Variants in CAMK2B observed in about 807,000 individuals in gnomAD.
The protein encoded by CAMK2B is calcium/calmodulin-dependent protein kinase type II subunit beta.
CAMK2B carries 27 observed loss-of-function variants against 93.7 expected under a neutral mutation model. That is an observed-to-expected ratio of 0.29 (90% CI 0.21 to 0.40). The LOEUF (loss-of-function observed/expected upper bound fraction) is 0.40. Among genes scored for constraint, CAMK2B ranks in the 10% least tolerant of loss-of-function variants. The pLI is 1.00. For missense variants in CAMK2B, 568 were observed against 895.8 expected (o/e 0.63, Z 4.67); for synonymous variants, 374 against 358.8 (o/e 1.04, Z -0.48).
chr7:44,292,537 G>T (rs1302113251), intron 1 of CAMK2B, among the ~76,000 whole-genome samples: 1 of 152,190 alleles, frequency 6.6e-6, no homozygotes, highest in Non-Finnish European at 1.5e-5. Flanking sequence ...TGCAAAAGGG[G>T]TTCTGTGAGA....
chr7:44,309,445 C>G (rs924862238), intron 1 of CAMK2B, among the ~76,000 whole-genome samples: 1 of 152,194 alleles, frequency 6.6e-6, no homozygotes, highest in African/African-American at 2.4e-5. Context: ...GGGGCCCACC[C>G]TTGCTGCGCC....
At chr7:44,255,149 C>T (rs1195688838) in intron 4 of CAMK2B, among the ~76,000 whole-genome samples, 1 of 152,120 alleles carries the variant, frequency 6.6e-6, no homozygotes, top group African/African-American at 2.4e-5. Flanking sequence ...AATCTGGTCT[C>T]CTTGGTGGCG....
intron 1 of CAMK2B, among the ~76,000 whole-genome samples, chr7:44,304,771 A>G (rs181068882): frequency 2.3e-4 from 35 of 152,346 alleles, no homozygotes; most frequent in Admixed American, 2.0e-3. Context: ...ATATATTAAT[A>G]TTGGTCCATC....
intron 1 of CAMK2B, among the ~76,000 whole-genome samples, chr7:44,320,316 G>T (rs1795781089): frequency 6.6e-6 from 1 of 152,172 alleles, no homozygotes; most frequent in South Asian, 2.1e-4. Context: ...AAAAGCCTCA[G>T]GTCAGAGTAG....
At chr7:44,325,282 C>T in intron 1 of CAMK2B, 75 bp downstream of exon 1, 2 of 856,672 alleles carry the variant, frequency 2.3e-6, no homozygotes, top group Non-Finnish European at 2.9e-6. Flanking sequence ...CGCCTGGAGC[C>T]GGCGGCGCGG....
intron 19 of CAMK2B, among the ~76,000 whole-genome samples, chr7:44,227,989 T>C (rs1329634809): frequency 1.3e-5 from 2 of 150,808 alleles, no homozygotes; most frequent in Admixed American, 1.3e-4. Flanking sequence ...AGGGTGCTGC[T>C]GCGGACAGCG....
At chr7:44,235,709 A>G (rs1245615494) in intron 13 of CAMK2B, among the ~76,000 whole-genome samples, 3 of 152,164 alleles carry the variant, frequency 2.0e-5, no homozygotes, top group Admixed American at 6.5e-5. Flanking sequence ...GCCAGCCGGT[A>G]CAGCAGGGTT....
At chr7:44,295,268 G>T (rs1182990985) in intron 1 of CAMK2B, among the ~76,000 whole-genome samples, 1 of 152,228 alleles carries the variant, frequency 6.6e-6, no homozygotes, top group African/African-American at 2.4e-5. Context: ...CATGTGAGAA[G>T]CTTGGAAGTC....
rs1193548332 is a variant in CAMK2B, at chr7:44,311,118, G to A, written c.65+14239C>T. On this transcript the variant is annotated intron_variant, in intron 1 of 23. Transcript: ENST00000395749. This position sits in a 1 kb window ranked among gnomAD's most constrained non-coding sequence, Gnocchi z 4.2. ...TGAGACAGTCTCATTCTATTGCCCA[G>A]GCTGGAGTGCAATGGCGTGATCTCG... Among the ~76,000 whole-genome samples, 2 of 152,080 alleles carry A rather than the reference G, an allele frequency of 1.3e-5. No individual in the cohort carries two copies. Among genetic ancestry groups the A allele is most frequent in the African/African-American group, 4.8e-5 (2 of 41,390 alleles).
intron 2 of CAMK2B, among the ~76,000 whole-genome samples, chr7:44,276,097 A>T (rs1198712443): frequency 8.9e-6 from 1 of 112,118 alleles, no homozygotes; most frequent in Non-Finnish European, 1.8e-5. Context: ...AGCAGGGAGG[A>T]GGTGGGGAGA....
chr7:44,293,359 G>T (rs1326040063), intron 1 of CAMK2B, among the ~76,000 whole-genome samples: 1 of 152,232 alleles, frequency 6.6e-6, no homozygotes, highest in Admixed American at 6.5e-5. Context: ...TCCCCCATAT[G>T]CCCTGGTGAG....
At chr7:44,292,238 T>C (rs1277897678) in intron 1 of CAMK2B, among the ~76,000 whole-genome samples, 1 of 152,180 alleles carries the variant, frequency 6.6e-6, no homozygotes, top group Non-Finnish European at 1.5e-5. Flanking sequence ...TGCTTGTGTC[T>C]CTGTGTCCAA....
chr7:44,224,817 C>T lies in CAMK2B; in HGVS notation c.1597+1699G>A, dbSNP rs1011667743. ...GTGGGCACCTGCCCTATTTACACAG[C>T]TGGTGGGTGCCTTCTGGAGAAAGGA... is the stretch of plus-strand genomic sequence containing the variant. On this transcript the variant is annotated intron_variant, in intron 20 of 23. Coordinates refer to ENST00000395749, the MANE Select transcript of CAMK2B (RefSeq NM_001220.5). The surrounding 1 kb of genome is among the most constrained non-coding windows in gnomAD (Gnocchi z 4.4). 3.9e-5 allele frequency among the ~76,000 whole-genome samples: 6 copies of T among 152,056 alleles called. No individual in the cohort carries two copies. The highest frequency in any genetic ancestry group is 8.8e-5 in the Non-Finnish European group (6 of 68,014).
At chr7:44,270,930 C>CT (rs1449881004) in intron 2 of CAMK2B, among the ~76,000 whole-genome samples, 3 of 151,952 alleles carry the variant, frequency 2.0e-5, no homozygotes, top group East Asian at 3.9e-4. Flanking sequence ...CTTTTCTTTT[C>CT]TTTTTTTTGA....
chr7:44,236,736 C>T (rs372398397), intron 13 of CAMK2B, among the ~76,000 whole-genome samples: 1 of 152,332 alleles, frequency 6.6e-6, no homozygotes, highest in South Asian at 2.1e-4. Flanking sequence ...GCATCCCACC[C>T]TCTCAGCTCC....
chr7:44,247,356 C>T (rs1158761794), intron 5 of CAMK2B, 164 bp from the exon 6 acceptor site: 1 of 658,120 alleles, frequency 1.5e-6, no homozygotes, highest in African/African-American at 1.8e-5. Context: ...GGGGCTTCTT[C>T]CTCACCTCCA....
chr7:44,240,420 C>T (rs1488784493), intron 12 of CAMK2B, among the ~76,000 whole-genome samples: 4 of 152,308 alleles, frequency 2.6e-5, no homozygotes, highest in East Asian at 3.9e-4. Context: ...CAGACACACA[C>T]GATGCTGTGA....
At position 44,271,068 on chromosome 7, in the gene CAMK2B, G is replaced by A. The variant is rs1038246424; in HGVS notation, c.161-8004C>T. Among the ~76,000 whole-genome samples the A allele has an allele frequency of 8.6e-5, 13 of 152,010 alleles. No homozygotes were observed. Among genetic ancestry groups the A allele is most frequent in the African/African-American group, 1.7e-4 (7 of 41,370 alleles). Reference sequence around the variant, plus strand: ...CCAGTAGCTGGGATTACAGGTATGCGCCATCACACCTGGCTAATTTTTGTA... The same window carrying A: ...CCAGTAGCTGGGATTACAGGTATGCACCATCACACCTGGCTAATTTTTGTA... On this transcript the variant is annotated intron_variant, in intron 2 of 23. Transcript: ENST00000395749. This position sits in a 1 kb window ranked among gnomAD's most constrained non-coding sequence, Gnocchi z 4.2.
intron 1 of CAMK2B, among the ~76,000 whole-genome samples, chr7:44,292,718 A>G (rs575466495): frequency 6.6e-6 from 1 of 152,330 alleles, no homozygotes; most frequent in South Asian, 2.1e-4. Flanking sequence ...TTATTCAAAA[A>G]GGCTCTGGAG....
Sources: gnomAD v4.1 joint callset for allele counts (sites outside exome capture counted in the v4.1 genomes callset) on GRCh38, gnomAD v4.1.1 for gene constraint, Gnocchi (gnomAD v3.1) non-coding constraint, MANE v1.5 for transcripts, NCBI Gene and HGNC (gene_info 2026-07-23, HGNC 2026-07-21) for gene names.